Variants in DAAM1 observed in about 807,000 individuals in gnomAD.
DAAM1 encodes disheveled-associated activator of morphogenesis 1.
DAAM1 carries 52 observed loss-of-function variants against 130.0 expected under a neutral mutation model. That is an observed-to-expected ratio of 0.40 (90% confidence interval 0.32 to 0.50). The LOEUF (loss-of-function observed/expected upper bound fraction) is 0.50, where lower values mean the gene tolerates loss of function less well. DAAM1 is among the 20% of genes least tolerant of loss of function. The pLI, the probability that DAAM1 is intolerant of heterozygous loss-of-function variation, is 0.61. For missense variants in DAAM1, 1,134 were observed against 1,303.8 expected, an observed-to-expected ratio of 0.87 and a Z score of 2.01; for synonymous variants, 452 against 444.5, an observed-to-expected ratio of 1.02 and a Z score of -0.21.
intron 18 of DAAM1, among the ~76,000 whole-genome samples, chr14:59,353,031 T>C (rs946116228): frequency 6.6e-6 from 1 of 151,496 alleles, no homozygotes; most frequent in Non-Finnish European, 1.5e-5. Flanking sequence ...GGACAGACTC[T>C]GACAATGTCA....
chr14:59,345,633 T>A (rs1886044083), intron 16 of DAAM1, among the ~76,000 whole-genome samples: 3 of 152,186 alleles, frequency 2.0e-5, no homozygotes, highest in Admixed American at 1.3e-4. Context: ...CTCATCCAGC[T>A]TCACCTGGGG....
intron 1 of DAAM1, among the ~76,000 whole-genome samples, chr14:59,218,559 G>C (rs556793766): frequency 6.6e-6 from 1 of 152,306 alleles, no homozygotes; most frequent in Non-Finnish European, 1.5e-5. Context: ...TATGTAAATA[G>C]TTATTATCTA....
chr14:59,297,200 C>T (rs1216195624), intron 3 of DAAM1, among the ~76,000 whole-genome samples: 1 of 152,186 alleles, frequency 6.6e-6, no homozygotes, highest in Non-Finnish European at 1.5e-5. Flanking sequence ...CAGCCAGGAA[C>T]TTTGCTGCCC....
At chr14:59,222,232 T>C (rs899435485) in intron 1 of DAAM1, among the ~76,000 whole-genome samples, 1 of 152,206 alleles carries the variant, frequency 6.6e-6, no homozygotes, top group Non-Finnish European at 1.5e-5. Flanking sequence ...AGTGAGTTGC[T>C]TGGTCAGAAG....
In DAAM1 at chr14:59,331,916, A is replaced by G. The variant is rs750130432; in HGVS notation, c.1964A>G (p.Gln655Arg). 1.2e-6 allele frequency: 2 copies of G among 1,613,170 alleles called. No homozygotes were observed. The highest frequency in any genetic ancestry group is 2.2e-5 in the South Asian group (2 of 90,954). The change falls in exon 15 of 25, where the codon CAG becomes CGG. Residue 655 changes from glutamine to arginine, a missense_variant. Physicochemically the swap from Gln to Arg is conservative, Grantham distance 43. This residue lies in a region of DAAM1 where 644 missense variants were observed against 695.9 expected (regional missense o/e 0.93). Coordinates refer to ENST00000360909, the MANE Select transcript of DAAM1 (RefSeq NM_001270520.2). ...LERTFSAYQR[Q>R]QKEADAIDDT... ...AGAACCTTCTCTGCCTATCAAAGAC[A>G]GCAGGTAACAGCATATGCCCTCCAG...
chr14:59,346,038 T>C (rs1485172534), intron 16 of DAAM1, among the ~76,000 whole-genome samples: 3 of 152,080 alleles, frequency 2.0e-5, no homozygotes, highest in Non-Finnish European at 4.4e-5. Flanking sequence ...ACATATAGTT[T>C]ACTGTGTTCT....
At chr14:59,366,684 T>A (rs1056243636) in intron 23 of DAAM1, among the ~76,000 whole-genome samples, 6 of 152,178 alleles carry the variant, frequency 3.9e-5, no homozygotes, top group Admixed American at 2.6e-4. Flanking sequence ...ATTACAATTT[T>A]TACTTTAGAA....
At position 59,353,791 on chromosome 14, in the gene DAAM1, C is replaced by T. The variant is rs561549360; in HGVS notation, c.2268-85C>T. 1.2e-5 allele frequency: 15 copies of T among 1,284,316 alleles called. No individual in the cohort carries two copies. The Admixed American group carries it at 2.9e-4, about 25-fold the overall frequency. The allele number at this position is 1,284,316 out of a possible 1,614,324, so 79.6% of individuals were successfully genotyped here. A position where few individuals can be genotyped will look rare whatever the true frequency, so the allele number is the denominator to read the frequency against. Reference sequence around the variant, plus strand: ...TGGGTGGGTATTGGGGGAGGTGCTTCTAGGTACCTCCACCTCCATATCTGT... The same window carrying T: ...TGGGTGGGTATTGGGGGAGGTGCTTTTAGGTACCTCCACCTCCATATCTGT... On this transcript the variant is annotated intron_variant, in intron 18 of 24. Coordinates refer to ENST00000360909, the MANE Select transcript of DAAM1 (RefSeq NM_001270520.2).
chr14:59,303,679 T>C (rs551741300), intron 3 of DAAM1, among the ~76,000 whole-genome samples: 41 of 152,140 alleles, frequency 2.7e-4, no homozygotes, highest in Admixed American at 2.3e-3. Flanking sequence ...GGTGGATCAT[T>C]TGAGGTCAGG....
chr14:59,260,967 G>T (rs1882133277), intron 1 of DAAM1, among the ~76,000 whole-genome samples: 1 of 152,130 alleles, frequency 6.6e-6, no homozygotes, highest in Non-Finnish European at 1.5e-5. Context: ...ATATTTTTGA[G>T]GAAGTAGGAA....
intron 1 of DAAM1, among the ~76,000 whole-genome samples, chr14:59,205,725 T>G (rs926460195): frequency 6.6e-6 from 1 of 152,224 alleles, no homozygotes; most frequent in Non-Finnish European, 1.5e-5. Context: ...CAACACTTTA[T>G]ATTGTGTTAA....
chr14:59,347,180 G>C (rs545970823), intron 16 of DAAM1, among the ~76,000 whole-genome samples: 1 of 152,140 alleles, frequency 6.6e-6, no homozygotes, highest in Non-Finnish European at 1.5e-5. Context: ...CGTATAAACA[G>C]GTCAGAAACT....
intron 1 of DAAM1, among the ~76,000 whole-genome samples, chr14:59,203,158 ATTTTTT>A (rs57437992): frequency 1.8e-5 from 2 of 108,112 alleles, no homozygotes; most frequent in Admixed American, 1.1e-4. Context: ...CTTCTGGCTA[ATTTTTT>A]TTTTTTTTTT....
At chr14:59,346,662 T>C (rs2139660011) in intron 16 of DAAM1, among the ~76,000 whole-genome samples, 1 of 152,268 alleles carries the variant, frequency 6.6e-6, no homozygotes, top group Non-Finnish European at 1.5e-5. Context: ...AGTGAGTCTC[T>C]TGTTGCAGCT....
chr14:59,366,930 A>C (rs899102978), intron 23 of DAAM1, among the ~76,000 whole-genome samples: 3 of 151,682 alleles, frequency 2.0e-5, no homozygotes, highest in African/African-American at 7.3e-5. Flanking sequence ...AAAAAAAAAA[A>C]AAACTAATAA....
intron 1 of DAAM1, among the ~76,000 whole-genome samples, chr14:59,195,817 G>C (rs1887870996): frequency 6.6e-6 from 1 of 151,920 alleles, no homozygotes; most frequent in Non-Finnish European, 1.5e-5. Context: ...TCAAGGGCAT[G>C]GGTTAGCTTT....
chr14:59,359,448 C>T lies in DAAM1; in HGVS notation c.2577C>T (p.Pro859=). The T allele has an allele frequency of 1.9e-6, 3 of 1,613,846 alleles. No individual in the cohort carries two copies. The South Asian group carries it at 3.3e-5, about 18-fold the overall frequency. The change falls in exon 21 of 25, where the codon CCC becomes CCT. Residue 859 remains proline (P), a synonymous_variant. Transcript: ENST00000360909. ...YLITIVENKY[P]SVLNLNEELR... Reference sequence around the variant, plus strand: ...TCACTATTGTGGAAAATAAGTACCCCAGTGTTCTCAATCTAAATGAAGAAT... The same window carrying T: ...TCACTATTGTGGAAAATAAGTACCCTAGTGTTCTCAATCTAAATGAAGAAT...
intron 20 of DAAM1, among the ~76,000 whole-genome samples, chr14:59,356,429 C>T (rs977614826): frequency 1.3e-4 from 20 of 152,226 alleles, no homozygotes; most frequent in African/African-American, 4.8e-4. Context: ...AGAGCACTTT[C>T]ACATTTGATT....
intron 3 of DAAM1, among the ~76,000 whole-genome samples, chr14:59,308,692 T>G (rs560488298): frequency 6.6e-6 from 1 of 152,294 alleles, no homozygotes; most frequent in East Asian, 1.9e-4. Flanking sequence ...ATGGCTTTGG[T>G]TAAAAACATG....
Sources: allele counts gnomAD v4.1 joint callset (sites outside exome capture counted in the v4.1 genomes callset), GRCh38; gene constraint gnomAD v4.1.1; regional missense constraint gnomAD v4.1.1; transcripts MANE v1.5; gene names NCBI Gene and HGNC (gene_info 2026-07-23, HGNC 2026-07-21).